The following CSMD3 variants were observed in gnomAD, a reference collection of about 807,000 sequenced individuals.
CSMD3 encodes the protein CUB and sushi domain-containing protein 3.
In CSMD3, 177 loss-of-function variants were observed where a neutral mutation model predicts 435.2. The observed-to-expected ratio is 0.41, with a 90% CI of 0.36 to 0.46. The LOEUF is 0.46. CSMD3 is among the 20% of genes least tolerant of loss of function. CSMD3 has a pLI of 0.34. For missense variants in CSMD3, 4,265 were observed against 4,504.6 expected (o/e 0.95, Z 1.52); for synonymous variants, 1,656 against 1,520.5 (o/e 1.09, Z -2.07).
At chr8:113,158,242 G>A (rs2091970291) in intron 4 of CSMD3, among the ~76,000 whole-genome samples, 1 of 151,764 alleles carries the variant, frequency 6.6e-6, no homozygotes, top group African/African-American at 2.4e-5. Flanking sequence ...AGTCAGCAGA[G>A]TCCAGCAGGA....
At chr8:112,242,104 C>T (rs1250117641) in intron 65 of CSMD3, among the ~76,000 whole-genome samples, 1 of 152,092 alleles carries the variant, frequency 6.6e-6, no homozygotes, top group East Asian at 1.9e-4. Context: ...GAGACAGTTG[C>T]CTCCAACATG....
At chr8:112,624,593 T>C (rs1341947433) in intron 22 of CSMD3, among the ~76,000 whole-genome samples, 2 of 152,030 alleles carry the variant, frequency 1.3e-5, no homozygotes, top group Non-Finnish European at 2.9e-5. Context: ...TTTTCCAATA[T>C]GGAAACTAGA....
At chr8:112,435,805 AT>A (rs1340174211) in intron 32 of CSMD3, among the ~76,000 whole-genome samples, 1 of 151,770 alleles carries the variant, frequency 6.6e-6, no homozygotes, top group Non-Finnish European at 1.5e-5. Context: ...AACAATGTGC[AT>A]TTTTCCTCTC....
intron 12 of CSMD3, among the ~76,000 whole-genome samples, chr8:112,815,704 T>C (rs1795967553): frequency 6.6e-6 from 1 of 152,124 alleles, no homozygotes; most frequent in African/African-American, 2.4e-5. Flanking sequence ...AACAAATACA[T>C]ATATAAAACA....
intron 10 of CSMD3, among the ~76,000 whole-genome samples, chr8:112,880,177 G>A (rs1019996956): frequency 1.3e-5 from 2 of 152,030 alleles, no homozygotes; most frequent in Non-Finnish European, 2.9e-5. Context: ...GTACCTCAGA[G>A]TAATTTGGTT....
intron 1 of CSMD3, among the ~76,000 whole-genome samples, chr8:113,366,047 G>C (rs2094309303): frequency 6.6e-6 from 1 of 151,898 alleles, no homozygotes; most frequent in Non-Finnish European, 1.5e-5. Flanking sequence ...ACCATACCAA[G>C]TACTCCTAAG....
At chr8:113,281,636 A>G (rs2093613688) in intron 2 of CSMD3, among the ~76,000 whole-genome samples, 1 of 151,816 alleles carries the variant, frequency 6.6e-6, no homozygotes, top group Admixed American at 6.6e-5. Context: ...TTTTAAGTGG[A>G]GCATTTAGGC....
chr8:112,682,561 C>T lies in CSMD3; in HGVS notation c.2558G>A (p.Gly853Glu), dbSNP rs897212007. Residue 853 changes from glycine to glutamate, a missense_variant, in exon 16 of 71, where the codon GGA becomes GAA. Physicochemically the swap from Gly to Glu is moderately conservative, Grantham distance 98 (BLOSUM62 -2). This residue lies in a region of CSMD3 where 279 missense variants were observed against 369.0 expected (regional missense o/e 0.76). Coordinates refer to ENST00000297405, the MANE Select transcript of CSMD3 (RefSeq NM_198123.2). ...ARRFGDNFQL[G>E]SSISVICEEG... ...TTCACAAATAACTGAAATTGAACTT[C>T]CTAATTGAAAGTTGTCCCCAAACCG... The T allele has an allele frequency of 6.2e-7, 1 of 1,613,250 alleles. No individual in the cohort carries two copies. Among genetic ancestry groups the T allele is most frequent in the Non-Finnish European group, 8.5e-7 (1 of 1,179,274 alleles).
At chr8:112,296,382 T>C (rs995520224) in intron 53 of CSMD3, among the ~76,000 whole-genome samples, 1 of 151,812 alleles carries the variant, frequency 6.6e-6, no homozygotes, top group Non-Finnish European at 1.5e-5. Context: ...AAACCCCGTC[T>C]CTACTAAAAA....
chr8:112,227,886 C>CA (rs1192136926), intron 70 of CSMD3, among the ~76,000 whole-genome samples: 7 of 151,886 alleles, frequency 4.6e-5, no homozygotes, highest in African/African-American at 1.7e-4. Context: ...ACTAAAAATA[C>CA]AAAAAATTAG....
At chr8:112,853,809 T>A (rs2080567281) in intron 11 of CSMD3, among the ~76,000 whole-genome samples, 1 of 152,240 alleles carries the variant, frequency 6.6e-6, no homozygotes. Flanking sequence ...CTGCTGTCTC[T>A]TAGCTCTAGC....
intron 36 of CSMD3, among the ~76,000 whole-genome samples, chr8:112,389,159 A>G (rs1050696149): frequency 1.2e-4 from 18 of 152,186 alleles, no homozygotes; most frequent in Non-Finnish European, 5.9e-5. Context: ...TAGTTGCTGA[A>G]GCCACATTGC....
At chr8:113,327,276 A>G (rs1226090209) in intron 1 of CSMD3, among the ~76,000 whole-genome samples, 1 of 152,196 alleles carries the variant, frequency 6.6e-6, no homozygotes, top group Non-Finnish European at 1.5e-5. Context: ...CTTTTTGAAT[A>G]AAATGACTTG....
chr8:113,112,266 AGGTTG>A (rs1564328402), intron 4 of CSMD3, among the ~76,000 whole-genome samples: 1 of 150,684 alleles, frequency 6.6e-6, no homozygotes, highest in Non-Finnish European at 1.5e-5. Context: ...TTTTAAAATG[AGGTTG>A]GATACCAAGA....
At chr8:112,845,928 A>G (rs2080304925) in intron 11 of CSMD3, among the ~76,000 whole-genome samples, 1 of 152,014 alleles carries the variant, frequency 6.6e-6, no homozygotes, top group African/African-American at 2.4e-5. Context: ...ATATTTAAGG[A>G]TAAGGTCACT....
At chr8:112,815,046 T>C (rs1192431227) in intron 12 of CSMD3, among the ~76,000 whole-genome samples, 2 of 151,978 alleles carry the variant, frequency 1.3e-5, no homozygotes, top group Non-Finnish European at 2.9e-5. Context: ...TATGTTTATT[T>C]GAAGTACACG....
chr8:112,295,166 T>C (rs1435705980), intron 54 of CSMD3, among the ~76,000 whole-genome samples: 1 of 152,178 alleles, frequency 6.6e-6, no homozygotes, highest in Non-Finnish European at 1.5e-5. Flanking sequence ...TACATATGTG[T>C]AATCTTGATA....
At chr8:112,917,826 T>A (rs941393278) in intron 10 of CSMD3, among the ~76,000 whole-genome samples, 1 of 151,948 alleles carries the variant, frequency 6.6e-6, no homozygotes, top group Non-Finnish European at 1.5e-5. Context: ...TCACTCTACA[T>A]CCTTTCATAT....
At chr8:113,016,470 A>G (rs2086462953) in intron 6 of CSMD3, among the ~76,000 whole-genome samples, 2 of 151,988 alleles carry the variant, frequency 1.3e-5, no homozygotes, top group Non-Finnish European at 3.0e-5. Context: ...ATGGCATTCA[A>G]TGAACCCACT....
Sources: gnomAD v4.1 joint callset for allele counts (sites outside exome capture counted in the v4.1 genomes callset) on GRCh38, gnomAD v4.1.1 for gene constraint, gnomAD v4.1.1 regional missense constraint, MANE v1.5 for transcripts, NCBI Gene and HGNC (gene_info 2026-07-23, HGNC 2026-07-21) for gene names.